Variants in COG5 observed in about 807,000 individuals in gnomAD.
COG5 encodes conserved oligomeric Golgi complex subunit 5.
In COG5, 86 loss-of-function variants were observed where a neutral mutation model predicts 110.4. The ratio of observed to expected loss-of-function variants is 0.78; its 90% CI spans 0.65 to 0.93. COG5 has a LOEUF of 0.93. Ranked by LOEUF, COG5 falls within the 40% of genes least tolerant of loss-of-function variation. The pLI is 0.00. For missense variants in COG5, 1,077 were observed against 987.0 expected, an observed-to-expected ratio of 1.09 and a Z score of -1.22; for synonymous variants, 360 against 334.6, an observed-to-expected ratio of 1.08 and a Z score of -0.83.
intron 6 of COG5, among the ~76,000 whole-genome samples, chr7:107,490,311 C>T (rs1457424967): frequency 6.6e-6 from 1 of 152,128 alleles, no homozygotes; most frequent in Non-Finnish European, 1.5e-5. Context: ...ATTACAGGCA[C>T]ATGCCACGGT....
intron 2 of COG5, among the ~76,000 whole-genome samples, chr7:107,555,100 C>G (rs1803211446): frequency 6.6e-6 from 1 of 152,212 alleles, no homozygotes; most frequent in Admixed American, 6.5e-5. Context: ...GCATTCAGTG[C>G]TCACCTATAC....
intron 12 of COG5, among the ~76,000 whole-genome samples, chr7:107,293,323 T>C (rs1046472866): frequency 8.5e-5 from 13 of 152,088 alleles, no homozygotes; most frequent in Non-Finnish European, 1.6e-4. Context: ...AGGTCATTAT[T>C]AGAAATGTTG....
intron 6 of COG5, among the ~76,000 whole-genome samples, chr7:107,494,021 C>A (rs1798121536): frequency 6.6e-6 from 1 of 151,994 alleles, no homozygotes. Flanking sequence ...TAGCAATAGA[C>A]CCCAAAAACC....
intron 2 of COG5, among the ~76,000 whole-genome samples, chr7:107,557,133 A>G (rs1803383867): frequency 6.6e-6 from 1 of 152,192 alleles, no homozygotes. Context: ...TCAGAATTTT[A>G]GAGTTAAAAT....
chr7:107,415,918 G>GTA lies in COG5; in HGVS notation c.539-3287_539-3286insTA, dbSNP rs1563021499. ...CACATACACGTATGTATGTATGTGTGTGTATATACACACACATACACGTAT... is the reference window on the plus strand; with the variant it reads ...CACATACACGTATGTATGTATGTGTGTATGTATATACACACACATACACGTAT... On this transcript the variant is annotated intron_variant, in intron 6 of 21. Coordinates refer to ENST00000297135, the MANE Select transcript of COG5 (RefSeq NM_006348.5). Among the ~76,000 whole-genome samples the GTA allele has an allele frequency of 2.2e-4, 26 of 117,964 alleles. 5 individuals carry two copies. The highest frequency in any genetic ancestry group is 7.2e-4 in the African/African-American group (21 of 28,986). 77.4% of individuals were successfully genotyped at this position (117,964 alleles called of 152,430 possible).
chr7:107,367,032 AT>A (rs961169372), intron 8 of COG5, among the ~76,000 whole-genome samples: 23 of 151,258 alleles, frequency 1.5e-4, no homozygotes, highest in African/African-American at 3.4e-4. Context: ...CTTTCGGTGT[AT>A]TTTTTTTTAA....
At chr7:107,369,294 T>G (rs753165593) in intron 8 of COG5, among the ~76,000 whole-genome samples, 8 of 152,168 alleles carry the variant, frequency 5.3e-5, no homozygotes, top group Non-Finnish European at 1.0e-4. Context: ...ATTTGTTAAT[T>G]TAAATGCTGT....
At position 107,496,980 on chromosome 7, in the gene COG5, T is replaced by C. The variant is rs141397727; in HGVS notation, c.538+30257A>G. On this transcript the variant is annotated intron_variant, in intron 6 of 21. Coordinates refer to ENST00000297135, the MANE Select transcript of COG5 (RefSeq NM_006348.5). ...ATCCCAGCACTTCTGCAAGCAAACATAGGAGAATCACTTGAGCCCAGGAGT... is the reference window on the plus strand; with the variant it reads ...ATCCCAGCACTTCTGCAAGCAAACACAGGAGAATCACTTGAGCCCAGGAGT... Among the ~76,000 whole-genome samples the C allele has an allele frequency of 5.5e-3, 841 of 152,026 alleles. 5 individuals are homozygous for C. The highest frequency in any genetic ancestry group is 8.0e-3 in the Non-Finnish European group (546 of 67,964).
intron 11 of COG5, among the ~76,000 whole-genome samples, chr7:107,304,541 A>G (rs998016556): frequency 3.9e-5 from 6 of 152,176 alleles, no homozygotes; most frequent in Non-Finnish European, 8.8e-5. Context: ...CCTTGGAGTT[A>G]TATCAGCCTT....
At chr7:107,326,675 G>A (rs1809794018) in intron 10 of COG5, among the ~76,000 whole-genome samples, 1 of 152,206 alleles carries the variant, frequency 6.6e-6, no homozygotes, top group Non-Finnish European at 1.5e-5. Context: ...AAAGCATACT[G>A]TGTTATGGGT....
At chr7:107,508,349 C>T (rs914169461) in intron 6 of COG5, among the ~76,000 whole-genome samples, 1 of 152,206 alleles carries the variant, frequency 6.6e-6, no homozygotes, top group African/African-American at 2.4e-5. Flanking sequence ...CCTGCCATTG[C>T]CCAGGCTTGA....
intron 11 of COG5, among the ~76,000 whole-genome samples, chr7:107,319,581 A>C (rs137878179): frequency 2.2e-3 from 336 of 152,302 alleles, no homozygotes; most frequent in African/African-American, 7.6e-3. Context: ...CTGTTGCCCA[A>C]TGTCTGAAAA....
intron 15 of COG5, 37 bp from the exon 16 acceptor site, chr7:107,256,831 A>T (rs1156826925): frequency 6.8e-7 from 1 of 1,480,960 alleles, no homozygotes; most frequent in African/African-American, 1.4e-5. Context: ...AGTTTCGCTT[A>T]AGTCTATTTC....
intron 6 of COG5, among the ~76,000 whole-genome samples, chr7:107,477,548 T>G (rs1311399382): frequency 6.6e-6 from 1 of 151,852 alleles, no homozygotes; most frequent in Non-Finnish European, 1.5e-5. Context: ...ATTTCTATAC[T>G]TGACACTGAA....
intron 7 of COG5, among the ~76,000 whole-genome samples, chr7:107,405,712 G>A (rs1791784509): frequency 6.6e-6 from 1 of 152,196 alleles, no homozygotes; most frequent in Admixed American, 6.5e-5. Flanking sequence ...GAATGTTTGT[G>A]TCTTTCCTCC....
At chr7:107,499,712 TA>T (rs751602822) in intron 6 of COG5, among the ~76,000 whole-genome samples, 76 of 152,252 alleles carry the variant, frequency 5.0e-4, no homozygotes, top group Non-Finnish European at 5.0e-4. Flanking sequence ...CTGAAATTTT[TA>T]AAATGAGATG....
At chr7:107,299,644 A>T (rs1807063857) in intron 11 of COG5, among the ~76,000 whole-genome samples, 1 of 151,822 alleles carries the variant, frequency 6.6e-6, no homozygotes, top group Non-Finnish European at 1.5e-5. Context: ...ATTCATTCTG[A>T]GGCCAGCACT....
intron 6 of COG5, among the ~76,000 whole-genome samples, chr7:107,525,422 A>G (rs993081054): frequency 6.6e-6 from 1 of 152,158 alleles, no homozygotes; most frequent in African/African-American, 2.4e-5. Flanking sequence ...ATAATCCTAC[A>G]AACTATTGTT....
chr7:107,499,928 A>G (rs1798533299), intron 6 of COG5, among the ~76,000 whole-genome samples: 1 of 152,122 alleles, frequency 6.6e-6, no homozygotes, highest in South Asian at 2.1e-4. Context: ...AGCCCAGATG[A>G]GTCGCATGTC....
Sources: allele counts gnomAD v4.1 joint callset (sites outside exome capture counted in the v4.1 genomes callset), GRCh38; gene constraint gnomAD v4.1.1; transcripts MANE v1.5; gene names NCBI Gene and HGNC (gene_info 2026-07-23, HGNC 2026-07-21).